KCNQ1: variants seen among roughly 807,000 people sequenced by gnomAD.
KCNQ1 encodes potassium voltage-gated channel subfamily Q member 1, also known as potassium voltage-gated channel subfamily KQT member 1.
Under a neutral mutation model 72.4 loss-of-function variants are expected in KCNQ1, and 49 were observed. That is an observed-to-expected ratio of 0.68 (90% CI 0.54 to 0.86). The LOEUF (loss-of-function observed/expected upper bound fraction) is 0.86. KCNQ1 is among the 40% of genes least tolerant of loss of function. The pLI is 0.00. For missense variants in KCNQ1, 790 were observed against 945.1 expected (o/e 0.84, Z 2.15); for synonymous variants, 450 against 412.6 (o/e 1.09, Z -1.10).
At chr11:2,505,883 G>A (rs1022809500) in intron 1 of KCNQ1, among the ~76,000 whole-genome samples, 12 of 152,118 alleles carry the variant, frequency 7.9e-5, no homozygotes, top group South Asian at 2.1e-4. Context: ...TGGCTCTAAC[G>A]CGAGTCTCTA....
chr11:2,462,425 C>T lies in KCNQ1; in HGVS notation c.386+16941C>T, dbSNP rs1009674355. On this transcript the variant is annotated intron_variant, in intron 1 of 15. Coordinates refer to ENST00000155840, the MANE Select transcript of KCNQ1 (RefSeq NM_000218.3). This position sits in a 1 kb window ranked among gnomAD's most constrained non-coding sequence, Gnocchi z 8.2. ...CTGCCTGGGGGCTCCCGGCGAAGGCCGCTGGTTTCTAGAATGCACCATCTC... is the reference window on the plus strand; with the variant it reads ...CTGCCTGGGGGCTCCCGGCGAAGGCTGCTGGTTTCTAGAATGCACCATCTC... 1.3e-5 allele frequency among the ~76,000 whole-genome samples: 2 copies of T among 152,184 alleles called. No individual in the cohort carries two copies. The highest frequency in any genetic ancestry group is 2.9e-5 in the Non-Finnish European group (2 of 68,034).
At chr11:2,551,619 G>A (rs1341543697) in intron 2 of KCNQ1, among the ~76,000 whole-genome samples, 1 of 152,216 alleles carries the variant, frequency 6.6e-6, no homozygotes, top group African/African-American at 2.4e-5. Context: ...AAATCCCTGG[G>A]AGTGGGATTG....
At chr11:2,717,640 A>G (rs918531167) in intron 11 of KCNQ1, among the ~76,000 whole-genome samples, 2 of 152,304 alleles carry the variant, frequency 1.3e-5, no homozygotes, top group East Asian at 3.9e-4. Flanking sequence ...ATATTCAGGA[A>G]AGTTCCCCAG....
chr11:2,514,552 A>T (rs867688771), intron 1 of KCNQ1, among the ~76,000 whole-genome samples: 1 of 152,194 alleles, frequency 6.6e-6, no homozygotes. Context: ...GAGGTGGCTC[A>T]TGGGCGCGGT....
chr11:2,797,150 C>T (rs761860929), intron 15 of KCNQ1, among the ~76,000 whole-genome samples: 14 of 145,298 alleles, frequency 9.6e-5, no homozygotes, highest in East Asian at 8.1e-4. Context: ...CCGGCCGCTC[C>T]GGGCAGACCT....
intron 11 of KCNQ1, among the ~76,000 whole-genome samples, chr11:2,722,540 A>T (rs959390728): frequency 2.6e-5 from 4 of 152,148 alleles, no homozygotes; most frequent in Admixed American, 1.3e-4. Flanking sequence ...CCAGCATGTC[A>T]GCCACGGCTG....
intron 15 of KCNQ1, among the ~76,000 whole-genome samples, chr11:2,845,573 G>GA (rs1848310162): frequency 1.3e-5 from 2 of 152,202 alleles, no homozygotes; most frequent in Non-Finnish European, 2.9e-5. Flanking sequence ...GTTTATCTGG[G>GA]AAAAATAAAA....
In KCNQ1 at chr11:2,565,919, T is replaced by C. The variant is rs935032382; in HGVS notation, c.478-4709T>C. On this transcript the variant is annotated intron_variant, in intron 2 of 15. Coordinates refer to ENST00000155840, the MANE Select transcript of KCNQ1 (RefSeq NM_000218.3). This position sits in a 1 kb window ranked among gnomAD's most constrained non-coding sequence, Gnocchi z 5.6. ...GGTGCTGTGGTCCTGGTGGCTCTTG[T>C]GCCTGCACCCGCCTTGGGGCCATCT... is the stretch of plus-strand genomic sequence containing the variant. 6.6e-6 allele frequency among the ~76,000 whole-genome samples: 1 copy of C among 152,172 alleles called. No homozygotes were observed. Among genetic ancestry groups the C allele is most frequent in the Non-Finnish European group, 1.5e-5 (1 of 68,026 alleles).
intron 2 of KCNQ1, among the ~76,000 whole-genome samples, chr11:2,533,050 C>T (rs1457743745): frequency 6.6e-6 from 1 of 152,188 alleles, no homozygotes; most frequent in Non-Finnish European, 1.5e-5. Flanking sequence ...CTTGGGGAAC[C>T]CAGGAGGGGC....
chr11:2,529,071 C>T (rs184143432), intron 2 of KCNQ1, among the ~76,000 whole-genome samples: 2 of 152,342 alleles, frequency 1.3e-5, no homozygotes, highest in East Asian at 3.9e-4. Flanking sequence ...GGCCTGCTGT[C>T]ACTCTTCCCT....
In KCNQ1 at chr11:2,572,041, A is replaced by G. The variant is rs749697177; in HGVS notation, c.712A>G (p.Met238Val). 2.5e-6 allele frequency: 4 copies of G among 1,612,618 alleles called. No homozygotes were observed. Residue 238 changes from methionine (M) to valine (V), a missense_variant, in exon 5 of 16, where the codon ATG becomes GTG. Coordinates refer to ENST00000155840, the MANE Select transcript of KCNQ1 (RefSeq NM_000218.3). ...CATCCGCTTCCTGCAGATCCTGAGG[A>G]TGCTACACGTCGACCGCCAGGGAGG... ...RGIRFLQILRMLHVDRQGGTW... is the reference protein window; with the variant it reads ...RGIRFLQILRVLHVDRQGGTW...
In KCNQ1 at chr11:2,588,808, A is replaced by G; in HGVS notation, c.1347A>G (p.Glu449=). ...TVPHITCDPP[E]ERRLDHFSVD... ...CCCATATCACGTGCGACCCCCCAGAAGAGCGGCGGCTGGACCACTTCTCTG... is the reference window on the plus strand; with the variant it reads ...CCCATATCACGTGCGACCCCCCAGAGGAGCGGCGGCTGGACCACTTCTCTG... Residue 449 remains glutamate (E), a synonymous_variant, in exon 10 of 16, where the codon GAA becomes GAG. Coordinates refer to ENST00000155840, the MANE Select transcript of KCNQ1 (RefSeq NM_000218.3). The surrounding 1 kb of genome is among the most constrained non-coding windows in gnomAD (Gnocchi z 5.6). 6.2e-7 allele frequency: 1 copy of G among 1,613,244 alleles called. No homozygotes were observed. Among genetic ancestry groups the G allele is most frequent in the African/African-American group, 1.3e-5 (1 of 75,014 alleles).
intron 10 of KCNQ1, chr11:2,637,598 T>G (rs1458434893): frequency 6.6e-6 from 1 of 152,226 alleles, no homozygotes; most frequent in Admixed American, 6.5e-5. Context: ...AGTGCTTTAC[T>G]TCCAATTATG....
At position 2,848,935 on chromosome 11, in the gene KCNQ1, A is replaced by T. The variant is rs10798; in HGVS notation, c.*932A>T. Reference sequence around the variant, plus strand: ...GGATCTGTGTTTTAATGAGTTTCACAGTGTGATTTTGATTATTAATTGTGC... The same window carrying T: ...GGATCTGTGTTTTAATGAGTTTCACTGTGTGATTTTGATTATTAATTGTGC... On this transcript the variant is annotated 3_prime_UTR_variant, in exon 16 of 16. Coordinates refer to ENST00000155840, the MANE Select transcript of KCNQ1 (RefSeq NM_000218.3). 4.4e-6 allele frequency: 2 copies of T among 453,978 alleles called. No individual in the cohort carries two copies. Among genetic ancestry groups the T allele is most frequent in the South Asian group, 3.1e-5 (2 of 64,480 alleles). The allele number at this position is 453,978 out of a possible 1,614,324, so 28.1% of individuals were successfully genotyped here.
In KCNQ1 at chr11:2,809,336, G is replaced by A. The variant is rs1038018731; in HGVS notation, c.1794+31299G>A. 3.3e-5 allele frequency among the ~76,000 whole-genome samples: 5 copies of A among 152,248 alleles called. No homozygotes were observed. Among genetic ancestry groups the A allele is most frequent in the South Asian group, 2.1e-4 (1 of 4,824 alleles). On this transcript the variant is annotated intron_variant, in intron 15 of 15. Transcript: ENST00000155840. The surrounding 1 kb of genome is among the most constrained non-coding windows in gnomAD (Gnocchi z 7.1). ...TAAAATGTGGGACGCTGGACTCATC[G>A]TGGGTTTTTGCGGTCTTCTCTCAGC... is the stretch of plus-strand genomic sequence containing the variant.
chr11:2,553,514 C>G (rs963519165), intron 2 of KCNQ1, among the ~76,000 whole-genome samples: 1 of 152,160 alleles, frequency 6.6e-6, no homozygotes, highest in African/African-American at 2.4e-5. Context: ...CCTTCTGCCT[C>G]TATTGAGATA....
intron 15 of KCNQ1, among the ~76,000 whole-genome samples, chr11:2,841,359 G>A (rs943628970): frequency 6.6e-6 from 1 of 152,196 alleles, no homozygotes; most frequent in Non-Finnish European, 1.5e-5. Flanking sequence ...TGGGAGGGAA[G>A]GCTCAGCCTG....
intron 15 of KCNQ1, among the ~76,000 whole-genome samples, chr11:2,844,917 C>T (rs527486967): frequency 2.0e-5 from 3 of 152,380 alleles, no homozygotes; most frequent in African/African-American, 4.8e-5. Context: ...CCTCGTTCCA[C>T]ACTACCAGTA....
chr11:2,544,404 G>A lies in KCNQ1; in HGVS notation c.477+16386G>A, dbSNP rs1238538316. On this transcript the variant is annotated intron_variant, in intron 2 of 15. Coordinates refer to ENST00000155840, the MANE Select transcript of KCNQ1 (RefSeq NM_000218.3). The surrounding 1 kb of genome is among the most constrained non-coding windows in gnomAD (Gnocchi z 4.4). ...TGTGTGCATATATGTGTATATATGT[G>A]TGTGTATATATATATATGGTTACAT... Among the ~76,000 whole-genome samples, 18 of 149,404 alleles carry A rather than the reference G, an allele frequency of 1.2e-4. No individual in the cohort carries two copies. Among genetic ancestry groups the A allele is most frequent in the Middle Eastern group, 3.5e-3 (1 of 282 alleles).
Sources: gnomAD v4.1 joint callset for allele counts (sites outside exome capture counted in the v4.1 genomes callset) on GRCh38, gnomAD v4.1.1 for gene constraint, Gnocchi (gnomAD v3.1) non-coding constraint, MANE v1.5 for transcripts, NCBI Gene and HGNC (gene_info 2026-07-23, HGNC 2026-07-21) for gene names.